FILIP1L: variants seen among roughly 807,000 people sequenced by gnomAD.
FILIP1L encodes filamin A interacting protein 1 like, also known as filamin A-interacting protein 1-like.
A neutral mutation model predicts 96.6 loss-of-function variants in FILIP1L; 55 were observed. That is an observed-to-expected ratio of 0.57 (90% CI 0.46 to 0.71). FILIP1L has a LOEUF of 0.71. Among genes scored for constraint, FILIP1L ranks in the 30% least tolerant of loss-of-function variants. The pLI is 0.00. For synonymous variants in FILIP1L, 467 were observed against 473.9 expected (o/e 0.99, Z 0.19); for missense variants, 1,304 against 1,321.2 (o/e 0.99, Z 0.20).
intron 1 of FILIP1L, among the ~76,000 whole-genome samples, chr3:99,957,183 C>T (rs1708344259): frequency 6.6e-6 from 1 of 152,152 alleles, no homozygotes; most frequent in African/African-American, 2.4e-5. Flanking sequence ...ACAAAACATT[C>T]ATCAGGGTGA....
At chr3:100,041,053 G>C (rs1045226264) in intron 1 of FILIP1L, 1 of 152,312 alleles carries the variant, frequency 6.6e-6, no homozygotes, top group South Asian at 2.1e-4. Context: ...AGTTGACTCT[G>C]TATGACCTGT....
chr3:99,969,421 A>G (rs781588559), intron 1 of FILIP1L, among the ~76,000 whole-genome samples: 2 of 152,152 alleles, frequency 1.3e-5, no homozygotes, highest in Non-Finnish European at 2.9e-5. Context: ...AGGACTGCAG[A>G]TTTATATAGT....
intron 3 of FILIP1L, among the ~76,000 whole-genome samples, chr3:99,927,442 T>C (rs544751754): frequency 5.9e-5 from 9 of 151,814 alleles, no homozygotes; most frequent in African/African-American, 2.2e-4. Context: ...TGATCTCAGC[T>C]CATCGCGATC....
intron 1 of FILIP1L, among the ~76,000 whole-genome samples, chr3:99,980,962 T>A (rs1709105126): frequency 6.6e-6 from 1 of 152,174 alleles, no homozygotes; most frequent in African/African-American, 2.4e-5. Flanking sequence ...TGGGACCCAT[T>A]TAACCAAATG....
intron 1 of FILIP1L, among the ~76,000 whole-genome samples, chr3:100,009,414 C>T (rs1710079306): frequency 6.6e-6 from 1 of 152,100 alleles, no homozygotes; most frequent in African/African-American, 2.4e-5. Context: ...TGTTAGCAAC[C>T]TGAGCAGTCA....
intron 1 of FILIP1L, among the ~76,000 whole-genome samples, chr3:100,113,255 C>T (rs948429406): frequency 3.6e-4 from 55 of 152,184 alleles, no homozygotes; most frequent in Non-Finnish European, 1.2e-4. Flanking sequence ...ACTGTGCAGC[C>T]ACCCTAAACA....
intron 1 of FILIP1L, among the ~76,000 whole-genome samples, chr3:99,942,070 A>C (rs1264918072): frequency 6.6e-6 from 1 of 152,130 alleles, no homozygotes; most frequent in Non-Finnish European, 1.5e-5. Flanking sequence ...CAAAAAAATT[A>C]GTGGGGCATG....
Position 99,849,418 on chromosome 3 carries a change from T to A in FILIP1L, c.2258A>T (p.Gln753Leu). 1 of 1,614,188 alleles carries A rather than the reference T, an allele frequency of 6.2e-7. No individual in the cohort carries two copies. Among genetic ancestry groups the A allele is most frequent in the African/African-American group, 1.3e-5 (1 of 75,060 alleles). ...HSVLQKKLNQQENRNRDLGRE... is the reference protein window; with the variant it reads ...HSVLQKKLNQLENRNRDLGRE... ...TCCTAAATCTCTGTTCCTGTTTTCT[T>A]GTTGATTTAGTTTTTTTTGCAGGAC... The change falls in exon 5 of 6, where the codon CAA becomes CTA. Residue 753 changes from glutamine (Q) to leucine (L), a missense_variant. Gln to Leu is a moderately radical substitution (Grantham distance 113). Coordinates refer to ENST00000477258, the MANE Select transcript of FILIP1L (RefSeq NM_001387850.1).
chr3:100,005,209 T>C (rs917145503), intron 1 of FILIP1L, among the ~76,000 whole-genome samples: 1 of 152,246 alleles, frequency 6.6e-6, no homozygotes, highest in South Asian at 2.1e-4. Context: ...CCTTGTATTG[T>C]TAAAAATGAA....
chr3:99,924,236 C>T lies in FILIP1L; in HGVS notation c.599G>A (p.Cys200Tyr). The change falls in exon 4 of 6, where the codon TGT (cysteine) becomes TAT (tyrosine). Residue 200 changes from cysteine (C) to tyrosine (Y), a missense_variant. By Grantham distance (194) the Cys-to-Tyr change is radical. Coordinates refer to ENST00000477258, the MANE Select transcript of FILIP1L (RefSeq NM_001387850.1). ...DEFICLLEQE[C>Y]ERLKKLIDQE... ...TTGCCCAAAGCAGCCTTACCTTTCACATTCCTGTTCTAGTAGGCATATGAA... is the reference window on the plus strand; with the variant it reads ...TTGCCCAAAGCAGCCTTACCTTTCATATTCCTGTTCTAGTAGGCATATGAA... 1.9e-6 allele frequency: 3 copies of T among 1,612,496 alleles called. No homozygotes were observed. Among genetic ancestry groups the T allele is most frequent in the Non-Finnish European group, 2.5e-6 (3 of 1,179,432 alleles).
At chr3:99,888,771 T>C (rs1705991174) in intron 4 of FILIP1L, among the ~76,000 whole-genome samples, 1 of 152,216 alleles carries the variant, frequency 6.6e-6, no homozygotes, top group Admixed American at 6.5e-5. Context: ...TAACCATCTT[T>C]GTTGATTCAT....
chr3:99,984,690 G>A (rs79757922), intron 1 of FILIP1L, among the ~76,000 whole-genome samples: 1 of 152,144 alleles, frequency 6.6e-6, no homozygotes, highest in African/African-American at 2.4e-5. Flanking sequence ...TGGCTACTGT[G>A]GGGGAGGGAA....
At chr3:99,940,692 G>T (rs1186963297) in intron 1 of FILIP1L, among the ~76,000 whole-genome samples, 2 of 152,130 alleles carry the variant, frequency 1.3e-5, no homozygotes, top group African/African-American at 4.8e-5. Flanking sequence ...CAGAGAACCC[G>T]AAATTTCCTA....
intron 1 of FILIP1L, among the ~76,000 whole-genome samples, chr3:100,077,024 G>C (rs114075591): frequency 6.6e-6 from 1 of 152,178 alleles, no homozygotes; most frequent in African/African-American, 2.4e-5. Context: ...GAGGGCTTTC[G>C]GAACAAGGCT....
chr3:99,991,758 T>C (rs1462815034), intron 1 of FILIP1L, among the ~76,000 whole-genome samples: 2 of 151,958 alleles, frequency 1.3e-5, no homozygotes, highest in African/African-American at 2.4e-5. Flanking sequence ...GTTCCATCTA[T>C]GTTGCTGCAA....
chr3:99,946,707 G>A (rs1248136109), intron 1 of FILIP1L, among the ~76,000 whole-genome samples: 1 of 152,180 alleles, frequency 6.6e-6, no homozygotes, highest in Non-Finnish European at 1.5e-5. Context: ...GTAGTTTAAC[G>A]TGGTGGTGGC....
intron 1 of FILIP1L, among the ~76,000 whole-genome samples, chr3:100,081,139 T>C (rs2065925551): frequency 6.6e-6 from 1 of 152,158 alleles, no homozygotes; most frequent in Non-Finnish European, 1.5e-5. Flanking sequence ...TTGAAAAGAA[T>C]TGCAGAACTT....
At chr3:100,016,784 T>C (rs934185322) in intron 1 of FILIP1L, among the ~76,000 whole-genome samples, 1 of 152,246 alleles carries the variant, frequency 6.6e-6, no homozygotes, top group Non-Finnish European at 1.5e-5. Flanking sequence ...TATAAACTTA[T>C]AAAGCAGACA....
At chr3:99,956,817 C>T (rs1412282253) in intron 1 of FILIP1L, among the ~76,000 whole-genome samples, 1 of 152,172 alleles carries the variant, frequency 6.6e-6, no homozygotes, top group African/African-American at 2.4e-5. Flanking sequence ...CCCTGCTCCC[C>T]ACTCTGCCAG....
Sources: allele counts gnomAD v4.1 joint callset (sites outside exome capture counted in the v4.1 genomes callset), GRCh38; gene constraint gnomAD v4.1.1; transcripts MANE v1.5; gene names NCBI Gene and HGNC (gene_info 2026-07-23, HGNC 2026-07-21).